The following CAPZB variants were observed in gnomAD, a reference collection of about 807,000 sequenced individuals.
CAPZB encodes the protein capping actin protein of muscle Z-line subunit beta.
In CAPZB, 2 loss-of-function variants were observed where a neutral mutation model predicts 38.1. The observed-to-expected ratio is 0.05, with a 90% CI of 0.02 to 0.17. The LOEUF is 0.17. Among genes scored for constraint, CAPZB ranks in the 10% least tolerant of loss-of-function variants. CAPZB has a pLI of 1.00. For missense variants in CAPZB, 161 were observed against 334.2 expected (o/e 0.48, Z 4.04); for synonymous variants, 107 against 127.4 (o/e 0.84, Z 1.08).
intron 8 of CAPZB, among the ~76,000 whole-genome samples, chr1:19,343,064 G>A (rs906053363): frequency 4.6e-5 from 7 of 152,144 alleles, no homozygotes; most frequent in African/African-American, 1.4e-4. Flanking sequence ...TCAGGGGCTC[G>A]CCACCACCAC....
At chr1:19,352,014 C>A (rs1416820913) in intron 6 of CAPZB, among the ~76,000 whole-genome samples, 1 of 152,334 alleles carries the variant, frequency 6.6e-6, no homozygotes, top group East Asian at 1.9e-4. Context: ...AGCATCTCCA[C>A]CCCTGAACCC....
rs570955945 is a variant in CAPZB at position 19,449,340 on chromosome 1, G to A, written c.4-29590C>T. 1.4e-4 allele frequency: 141 copies of A among 1,019,860 alleles called. 1 individual carries two copies. The highest frequency in any genetic ancestry group is 7.7e-4 in the African/African-American group (46 of 59,604). 63.2% of individuals were successfully genotyped at this position (1,019,860 alleles called of 1,614,324 possible). A position where few individuals can be genotyped will look rare whatever the true frequency, so the allele number is the denominator to read the frequency against. On this transcript the variant is annotated intron_variant, in intron 1 of 8. Coordinates refer to ENST00000264202, the MANE Select transcript of CAPZB (RefSeq NM_004930.5). ...ACGGTCAGGCATGGAGCTGAGGAAC[G>A]GGGAAGATTTTGCCAGTGAATCAGA...
Position 19,426,523 on chromosome 1 carries a change from T to C in CAPZB, c.4-6773A>G, listed in dbSNP as rs184295239. On this transcript the variant is annotated intron_variant, in intron 1 of 8. Transcript: ENST00000264202. ...TATCATCAGAGCCCAGCACAAATGA[T>C]GCCCTATGACTTGTGAGCCCACAAG... 3.9e-5 allele frequency among the ~76,000 whole-genome samples: 6 copies of C among 152,150 alleles called. No homozygotes were observed. In the East Asian group the frequency reaches 1.2e-3, roughly 30 times the overall value.
chr1:19,402,717 G>A (rs1370089609), intron 2 of CAPZB, among the ~76,000 whole-genome samples: 4 of 152,194 alleles, frequency 2.6e-5, no homozygotes, highest in African/African-American at 9.6e-5. Flanking sequence ...GGTGTCCTCT[G>A]TGGTGCTCTG....
At chr1:19,446,353 C>T (rs10492998) in intron 1 of CAPZB, among the ~76,000 whole-genome samples, 26,364 of 151,996 alleles carry the variant, frequency 0.17, 2,628 homozygotes, top group South Asian at 0.29. Context: ...AAGCCATCGG[C>T]AAAAGTTAAA....
intron 2 of CAPZB, among the ~76,000 whole-genome samples, chr1:19,407,508 A>C (rs2094337827): frequency 6.6e-6 from 1 of 152,190 alleles, no homozygotes; most frequent in African/African-American, 2.4e-5. Flanking sequence ...AGGAAAGAGG[A>C]GCAAGAGGTG....
At chr1:19,433,383 C>T (rs1176212520) in intron 1 of CAPZB, among the ~76,000 whole-genome samples, 1 of 152,184 alleles carries the variant, frequency 6.6e-6, no homozygotes, top group African/African-American at 2.4e-5. Flanking sequence ...ATGTCGACCA[C>T]GTGTTCACTG....
chr1:19,342,731 C>T (rs200959453), intron 8 of CAPZB: 91 of 1,489,642 alleles, frequency 6.1e-5, no homozygotes, highest in Middle Eastern at 4.1e-4. Flanking sequence ...GGGAGGGTCT[C>T]GCGGCTCTCA....
chr1:19,414,496 G>A (rs77880271), intron 2 of CAPZB, among the ~76,000 whole-genome samples: 1,625 of 152,280 alleles, frequency 0.011, 85 homozygotes, highest in Admixed American at 0.089. Flanking sequence ...CCCAAGAGCT[G>A]AGCCTTAGGA....
intron 4 of CAPZB, among the ~76,000 whole-genome samples, chr1:19,377,260 G>C (rs953751974): frequency 1.3e-5 from 2 of 152,226 alleles, no homozygotes; most frequent in Admixed American, 1.3e-4. Context: ...AGTTCTAGAT[G>C]TAAGAACCTT....
chr1:19,381,845 A>T (rs1022422849), intron 3 of CAPZB, among the ~76,000 whole-genome samples: 9 of 151,980 alleles, frequency 5.9e-5, no homozygotes, highest in African/African-American at 2.2e-4. Context: ...AAAAACACCA[A>T]ATCAACAAAA....
rs376741149 is a variant in CAPZB, at chr1:19,356,631, C to T, written c.588+4G>A. On this transcript the variant is annotated splice_donor_region_variant and intron_variant, in intron 6 of 8. Coordinates refer to ENST00000264202, the MANE Select transcript of CAPZB (RefSeq NM_004930.5). This position sits in a 1 kb window ranked among gnomAD's most constrained non-coding sequence, Gnocchi z 4.3. ...GGCAAGTGGCTATGAGCGGGTAACT[C>T]TACCTGTCTGGTAAGGCTGCCTCCG... 1.9e-5 allele frequency: 31 copies of T among 1,606,590 alleles called. No homozygotes were observed. In the African/African-American group the frequency reaches 3.7e-4, roughly 19 times the overall value.
At chr1:19,376,733 G>A (rs976328298) in intron 4 of CAPZB, among the ~76,000 whole-genome samples, 5 of 152,220 alleles carry the variant, frequency 3.3e-5, no homozygotes, top group Admixed American at 3.3e-4. Flanking sequence ...GGAGTGTGGT[G>A]AGGGCAGGGG....
At chr1:19,365,264 A>T (rs941841907) in intron 4 of CAPZB, among the ~76,000 whole-genome samples, 1 of 152,188 alleles carries the variant, frequency 6.6e-6, no homozygotes, top group African/African-American at 2.4e-5. Flanking sequence ...ACTCTCGTAG[A>T]CATGGCTTCA....
chr1:19,420,738 C>G (rs2094398365), intron 1 of CAPZB, among the ~76,000 whole-genome samples: 1 of 152,046 alleles, frequency 6.6e-6, no homozygotes, highest in African/African-American at 2.4e-5. Flanking sequence ...GCCCAAGCAC[C>G]TTTTTAAAGC....
At chr1:19,361,366 C>T (rs919614038) in intron 4 of CAPZB, among the ~76,000 whole-genome samples, 2 of 152,200 alleles carry the variant, frequency 1.3e-5, no homozygotes, top group Non-Finnish European at 2.9e-5. Context: ...ATTCCATTCA[C>T]CAAAAGGGAT....
intron 1 of CAPZB, among the ~76,000 whole-genome samples, chr1:19,441,267 T>TG (rs1434044503): frequency 2.6e-5 from 4 of 152,146 alleles, no homozygotes; most frequent in Admixed American, 2.6e-4. Context: ...AGTCAGAGGA[T>TG]GGGGACAGGT....
At chr1:19,410,501 G>A (rs2094352770) in intron 2 of CAPZB, among the ~76,000 whole-genome samples, 1 of 152,154 alleles carries the variant, frequency 6.6e-6, no homozygotes. Flanking sequence ...GGGTGGTGGG[G>A]GGCTGCAATA....
intron 1 of CAPZB, among the ~76,000 whole-genome samples, chr1:19,421,731 T>C (rs1381236316): frequency 6.6e-6 from 1 of 152,224 alleles, no homozygotes; most frequent in African/African-American, 2.4e-5. Flanking sequence ...CATTAACTTA[T>C]GGCCTTGGGT....
Sources: gnomAD v4.1 joint callset for allele counts (sites outside exome capture counted in the v4.1 genomes callset) on GRCh38, gnomAD v4.1.1 for gene constraint, Gnocchi (gnomAD v3.1) non-coding constraint, MANE v1.5 for transcripts, NCBI Gene and HGNC (gene_info 2026-07-23, HGNC 2026-07-21) for gene names.